The following BRD3 variants were observed in gnomAD, a reference collection of about 807,000 sequenced individuals.
BRD3 encodes the protein bromodomain containing 3.
In BRD3, 17 loss-of-function variants were observed where a neutral mutation model predicts 66.8. That is an observed-to-expected ratio of 0.25 (90% CI 0.17 to 0.38). BRD3 has a LOEUF of 0.38. Ranked by LOEUF, BRD3 falls within the 10% of genes least tolerant of loss-of-function variation. BRD3 has a pLI of 1.00. For missense variants in BRD3, 713 were observed against 956.1 expected (o/e 0.75, Z 3.35); for synonymous variants, 421 against 393.2 (o/e 1.07, Z -0.84).
At position 134,033,908 on chromosome 9, in the gene BRD3, T is replaced by C. The variant is rs1843556840; in HGVS notation, c.2066-203A>G. 6.6e-6 allele frequency among the ~76,000 whole-genome samples: 1 copy of C among 152,152 alleles called. No homozygotes were observed. Among genetic ancestry groups the C allele is most frequent in the African/African-American group, 2.4e-5 (1 of 41,422 alleles). On this transcript the variant is annotated intron_variant, in intron 11 of 11. Coordinates refer to ENST00000303407, the MANE Select transcript of BRD3 (RefSeq NM_007371.4). This position sits in a 1 kb window ranked among gnomAD's most constrained non-coding sequence, Gnocchi z 5.1. ...ATACTTGAGACAGGAAAAAAATGAA[T>C]GCAGACTACTAACAGGAAATGATGG...
chr9:134,033,504 CA>C lies in BRD3; in HGVS notation c.*85del. 1 of 650,784 alleles carries C rather than the reference CA, an allele frequency of 1.5e-6. No homozygotes were observed. Among genetic ancestry groups the C allele is most frequent in the Non-Finnish European group, 2.9e-6 (1 of 348,204 alleles). 40.3% of individuals were successfully genotyped at this position (650,784 alleles called of 1,614,324 possible). A position where few individuals can be genotyped will look rare whatever the true frequency, so the allele number is the denominator to read the frequency against. ...AGAAGCAGACCTGCACACCATGGAACAGAAGTAGTAATATGAACCACAGAGG... is the reference window on the plus strand; with the variant it reads ...AGAAGCAGACCTGCACACCATGGAACGAAGTAGTAATATGAACCACAGAGG... On this transcript the variant is annotated 3_prime_UTR_variant, in exon 12 of 12. Coordinates refer to ENST00000303407, the MANE Select transcript of BRD3 (RefSeq NM_007371.4). The surrounding 1 kb of genome is among the most constrained non-coding windows in gnomAD (Gnocchi z 5.1).
intron 1 of BRD3, among the ~76,000 whole-genome samples, chr9:134,063,685 G>A (rs533505398): frequency 3.3e-5 from 5 of 152,088 alleles, no homozygotes; most frequent in Admixed American, 6.5e-5. Flanking sequence ...CCCAGGTACC[G>A]ACTCTTAGTC....
rs898716072 is a variant in BRD3, at chr9:134,033,876, T to C, written c.2066-171A>G. On this transcript the variant is annotated intron_variant, in intron 11 of 11. Transcript: ENST00000303407. This position sits in a 1 kb window ranked among gnomAD's most constrained non-coding sequence, Gnocchi z 5.1. ...GAAATTAATCAGGTCAACAAGACTA[T>C]CTGAATATACTTGAGACAGGAAAAA... Among the ~76,000 whole-genome samples the C allele has an allele frequency of 2.0e-5, 3 of 151,860 alleles. No individual in the cohort carries two copies. Among genetic ancestry groups the C allele is most frequent in the Non-Finnish European group, 4.4e-5 (3 of 67,812 alleles).
At chr9:134,060,586 T>TGACA (rs1200824041) in intron 1 of BRD3, among the ~76,000 whole-genome samples, 1 of 93,010 alleles carries the variant, frequency 1.1e-5, no homozygotes, top group Non-Finnish European at 2.2e-5. Context: ...AGCAAGACCC[T>TGACA]GACACACACA....
rs901613297 is a variant in BRD3, at chr9:134,050,523, T to C, written c.565A>G (p.Thr189Ala). The stretch of plus-strand genomic sequence containing the variant: ...GCGATGACGGGCGTCTGGGAGACGG[T>C]GGGGGGCACGCTCTGAAAGGGGGTC... Reference protein sequence around the residue: ...PATPFQSVPPTVSQTPVIAAT... With the variant: ...PATPFQSVPPAVSQTPVIAAT... The change falls in exon 5 of 12, where the codon ACC becomes GCC. Residue 189 changes from threonine to alanine, a missense_variant. Thr to Ala is a moderately conservative substitution (Grantham distance 58). This residue lies in a region of BRD3 where 120 missense variants were observed against 122.8 expected (regional missense o/e 0.98). Coordinates refer to ENST00000303407, the MANE Select transcript of BRD3 (RefSeq NM_007371.4). 4 of 1,603,284 alleles carry C rather than the reference T, an allele frequency of 2.5e-6. No homozygotes were observed. Among genetic ancestry groups the C allele is most frequent in the Non-Finnish European group, 3.4e-6 (4 of 1,175,242 alleles).
chr9:134,041,866 C>T lies in BRD3; in HGVS notation c.1301G>A (p.Ser434Asn), dbSNP rs1297682774. The T allele has an allele frequency of 1.2e-6, 2 of 1,612,836 alleles. No homozygotes were observed. Among genetic ancestry groups the T allele is most frequent in the Non-Finnish European group, 1.7e-6 (2 of 1,179,672 alleles). Residue 434 changes from serine to asparagine, a missense_variant, in exon 8 of 12, where the codon AGC becomes AAC. Physicochemically the swap from Ser to Asn is conservative, Grantham distance 46 (BLOSUM62 1). Coordinates refer to ENST00000303407, the MANE Select transcript of BRD3 (RefSeq NM_007371.4). The stretch of plus-strand genomic sequence containing the variant: ...GCTACGGCTGCTCTCAGCGCCCTTG[C>T]TCACCATGGGGGCCGCGGGGGCAGG... The part of the protein sequence containing the change: ...ALPAPAAPMV[S>N]KGAESSRSSE...
intron 1 of BRD3, among the ~76,000 whole-genome samples, chr9:134,061,923 T>C (rs1489106189): frequency 1.3e-5 from 2 of 152,118 alleles, no homozygotes; most frequent in African/African-American, 2.4e-5. Context: ...CACAGCCCCA[T>C]CTAACCCGGC....
At chr9:134,059,257 G>A (rs147861470) in intron 1 of BRD3, among the ~76,000 whole-genome samples, 79 of 152,284 alleles carry the variant, frequency 5.2e-4, no homozygotes, top group Non-Finnish European at 1.0e-3. Flanking sequence ...CCTTCTCCCC[G>A]GGCCCCCAGC....
In BRD3 at chr9:134,045,184, C is replaced by CT. The variant is rs1417868758; in HGVS notation, c.1215+108dup. ...AAAGGTGTTGAGGGAATGAGGCTCT[C>CT]TAAGGCCTTCCTCGGCTGGACATTC... On this transcript the variant is annotated intron_variant, in intron 7 of 11. Coordinates refer to ENST00000303407, the MANE Select transcript of BRD3 (RefSeq NM_007371.4). This position sits in a 1 kb window ranked among gnomAD's most constrained non-coding sequence, Gnocchi z 4.8. The CT allele has an allele frequency of 2.7e-6, 4 of 1,466,110 alleles. No individual in the cohort carries two copies. The African/African-American group carries it at 4.2e-5, about 15-fold the overall frequency. The allele number at this position is 1,466,110 out of a possible 1,614,324, so 90.8% of individuals were successfully genotyped here.
At chr9:134,040,000 G>C (rs755723371) in intron 9 of BRD3, 34 bp downstream of exon 9, 6 of 1,562,870 alleles carry the variant, frequency 3.8e-6, no homozygotes, top group Non-Finnish European at 5.2e-6. Context: ...GCTGAGCGCT[G>C]GGCTCTTGGA....
intron 6 of BRD3, among the ~76,000 whole-genome samples, chr9:134,047,517 C>T (rs1303965349): frequency 6.6e-6 from 1 of 152,342 alleles, no homozygotes; most frequent in Middle Eastern, 3.4e-3. Flanking sequence ...CTGTGAGGCA[C>T]ACAAGAGCCC....
intron 3 of BRD3, among the ~76,000 whole-genome samples, chr9:134,051,925 C>G (rs537914984): frequency 1.5e-5 from 2 of 130,494 alleles, no homozygotes; most frequent in South Asian, 5.0e-4. Flanking sequence ...GAGTCTTGCT[C>G]TGTCACCCAG....
intron 8 of BRD3, 62 bp downstream of exon 8, chr9:134,041,698 G>T (rs754834379): frequency 8.1e-5 from 126 of 1,559,886 alleles, no homozygotes; most frequent in Non-Finnish European, 8.7e-5. Flanking sequence ...ACGGACCTTG[G>T]GCTGCTGTGC....
intron 3 of BRD3, among the ~76,000 whole-genome samples, 171 bp from the exon 4 acceptor site, chr9:134,051,880 G>GTTGTTTTTTTTTTTTT (rs1564555861): frequency 8.8e-6 from 1 of 113,632 alleles, no homozygotes; most frequent in African/African-American, 3.6e-5. Context: ...TGTGTGTGTT[G>GTTGTTTTTTTTTTTTT]TTTTTTTTGT....
Position 134,032,569 on chromosome 9 carries a change from G to A in BRD3, c.*1021C>T, listed in dbSNP as rs1005580048. ...AGTTAGCACCTGGAGACGACAGGCC[G>A]CCGCCAGACAGGACCCGCGCCCGGC... is the stretch of plus-strand genomic sequence containing the variant. On this transcript the variant is annotated 3_prime_UTR_variant, in exon 12 of 12. Transcript: ENST00000303407. 3.5e-5 allele frequency: 8 copies of A among 230,488 alleles called. No individual in the cohort carries two copies. The highest frequency in any genetic ancestry group is 1.8e-4 in the African/African-American group (8 of 45,148). The allele number at this position is 230,488 out of a possible 1,614,324, so 14.3% of individuals were successfully genotyped here.
chr9:134,054,981 G>A (rs1434516538), intron 1 of BRD3, among the ~76,000 whole-genome samples: 1 of 152,194 alleles, frequency 6.6e-6, no homozygotes, highest in African/African-American at 2.4e-5. Flanking sequence ...GCGCCCACCT[G>A]TGCCAGGGCC....
rs1164858708 is a variant in BRD3, at chr9:134,045,513, A to G, written c.1087-92T>C. On this transcript the variant is annotated intron_variant, in intron 6 of 11. Coordinates refer to ENST00000303407, the MANE Select transcript of BRD3 (RefSeq NM_007371.4). The surrounding 1 kb of genome is among the most constrained non-coding windows in gnomAD (Gnocchi z 4.8). ...ACGAGATGAACTCTGGAGCCTCAGG[A>G]GCCACTGCCAGCTCCAGGGCAGTGC... 1 of 1,561,844 alleles carries G rather than the reference A, an allele frequency of 6.4e-7. No individual in the cohort carries two copies. The highest frequency in any genetic ancestry group is 1.4e-5 in the African/African-American group (1 of 73,906).
intron 5 of BRD3, among the ~76,000 whole-genome samples, chr9:134,049,104 C>T (rs1461400966): frequency 2.0e-5 from 3 of 152,136 alleles, no homozygotes; most frequent in Non-Finnish European, 4.4e-5. Flanking sequence ...CCATTTCAAG[C>T]AAGGAGAGGA....
At chr9:134,062,900 G>A (rs1032393851) in intron 1 of BRD3, among the ~76,000 whole-genome samples, 2 of 152,204 alleles carry the variant, frequency 1.3e-5, no homozygotes, top group Non-Finnish European at 2.9e-5. Flanking sequence ...AGGAGACACC[G>A]TGCTCTTAGA....
Sources: allele counts gnomAD v4.1 joint callset (sites outside exome capture counted in the v4.1 genomes callset), GRCh38; gene constraint gnomAD v4.1.1; regional missense constraint gnomAD v4.1.1; non-coding constraint Gnocchi (gnomAD v3.1); transcripts MANE v1.5; gene names NCBI Gene and HGNC (gene_info 2026-07-23, HGNC 2026-07-21).